The following MFSD6 variants were observed in gnomAD, a reference collection of about 807,000 sequenced individuals.
The protein encoded by MFSD6 is major facilitator superfamily domain containing 6, also known as major facilitator superfamily domain-containing protein 6.
MFSD6 carries 26 observed loss-of-function variants against 56.3 expected under a neutral mutation model. The observed-to-expected ratio is 0.46, with a 90% confidence interval of 0.34 to 0.64. The LOEUF (loss-of-function observed/expected upper bound fraction) is 0.64, where lower values mean the gene tolerates loss of function less well. Among genes scored for constraint, MFSD6 ranks in the 30% least tolerant of loss-of-function variants. The probability of loss-of-function intolerance (pLI) is 0.01; values close to 1 mark genes in which losing one functional copy is unlikely to be tolerated. For missense variants in MFSD6, 750 were observed against 986.2 expected, an observed-to-expected ratio of 0.76 and a Z score of 3.21; for synonymous variants, 331 against 366.9, an observed-to-expected ratio of 0.90 and a Z score of 1.12.
intron 2 of MFSD6, among the ~76,000 whole-genome samples, chr2:190,432,078 C>T (rs1362827302): frequency 1.3e-5 from 2 of 152,060 alleles, no homozygotes; most frequent in African/African-American, 4.8e-5. Context: ...TCTTATAATC[C>T]TTGGTAATTA....
At position 190,450,032 on chromosome 2, in the gene MFSD6, A is replaced by T. The variant is rs538376448; in HGVS notation, c.1532+12471A>T. Among the ~76,000 whole-genome samples, 54 of 151,896 alleles carry T rather than the reference A, an allele frequency of 3.6e-4. No individual in the cohort carries two copies. The East Asian group carries it at 5.4e-3, about 15-fold the overall frequency. On this transcript the variant is annotated intron_variant, in intron 3 of 7. Coordinates refer to ENST00000392328, the MANE Select transcript of MFSD6 (RefSeq NM_017694.4). ...AGTATAATAATAATAAAATAAAATTAAAAAAAAGAAAAAGAAATCAAGATA... is the reference window on the plus strand; with the variant it reads ...AGTATAATAATAATAAAATAAAATTTAAAAAAAGAAAAAGAAATCAAGATA...
At position 190,437,573 on chromosome 2, in the gene MFSD6, C is replaced by T. The variant is rs764632947; in HGVS notation, c.1532+12C>T. 1 of 1,602,088 alleles carries T rather than the reference C, an allele frequency of 6.2e-7. No individual in the cohort carries two copies. Among genetic ancestry groups the T allele is most frequent in the Non-Finnish European group, 8.5e-7 (1 of 1,171,942 alleles). ...ATCGGCCACATCAGGTAAGAACATG[C>T]TTACGATTGCTGCCCCTCAGCAATT... is the stretch of plus-strand genomic sequence containing the variant. On this transcript the variant is annotated intron_variant, in intron 3 of 7. Transcript: ENST00000392328. The surrounding 1 kb of genome is among the most constrained non-coding windows in gnomAD (Gnocchi z 5.9).
intron 3 of MFSD6, among the ~76,000 whole-genome samples, chr2:190,448,633 T>C (rs935146937): frequency 4.6e-5 from 7 of 152,242 alleles, no homozygotes; most frequent in African/African-American, 9.6e-5. Context: ...CATATTTTTA[T>C]GGATTTACAT....
chr2:190,412,154 A>T lies in MFSD6; in HGVS notation c.-175-3138A>T, dbSNP rs1309067211. On this transcript the variant is annotated intron_variant, in intron 1 of 7. Coordinates refer to ENST00000392328, the MANE Select transcript of MFSD6 (RefSeq NM_017694.4). This position sits in a 1 kb window ranked among gnomAD's most constrained non-coding sequence, Gnocchi z 4.1. ...CCAATTCTATGTAAAATTAACTAAAACCACTGCTTAGAATCCTTAAAAATT... is the reference window on the plus strand; with the variant it reads ...CCAATTCTATGTAAAATTAACTAAATCCACTGCTTAGAATCCTTAAAAATT... 2 of 983,776 alleles carry T rather than the reference A, an allele frequency of 2.0e-6. No individual in the cohort carries two copies. The highest frequency in any genetic ancestry group is 2.4e-6 in the Non-Finnish European group (2 of 828,546). 60.9% of individuals were successfully genotyped at this position (983,776 alleles called of 1,614,324 possible). A position where few individuals can be genotyped will look rare whatever the true frequency, so the allele number is the denominator to read the frequency against.
chr2:190,476,901 G>C (rs918412290), intron 4 of MFSD6, among the ~76,000 whole-genome samples: 19 of 152,190 alleles, frequency 1.2e-4, no homozygotes, highest in African/African-American at 4.3e-4. Context: ...CATGTCCTTT[G>C]TAGGGACATG....
At chr2:190,452,008 C>T (rs1686788173) in intron 3 of MFSD6, among the ~76,000 whole-genome samples, 4 of 151,890 alleles carry the variant, frequency 2.6e-5, no homozygotes, top group Admixed American at 2.6e-4. Flanking sequence ...TTTTTTGAGT[C>T]ATCAGCTGAT....
At chr2:190,466,199 G>C (rs1192168865) in intron 3 of MFSD6, among the ~76,000 whole-genome samples, 1 of 152,098 alleles carries the variant, frequency 6.6e-6, no homozygotes, top group African/African-American at 2.4e-5. Flanking sequence ...CCTCTTCTAA[G>C]GCTATATTTC....
In MFSD6 at chr2:190,447,330, G is replaced by T. The variant is rs1347058367; in HGVS notation, c.1532+9769G>T. Among the ~76,000 whole-genome samples, 1 of 152,186 alleles carries T rather than the reference G, an allele frequency of 6.6e-6. No individual in the cohort carries two copies. Among genetic ancestry groups the T allele is most frequent in the Non-Finnish European group, 1.5e-5 (1 of 68,026 alleles). ...CATGAGTGATTGAGCGAAACTGTGA[G>T]GTTAGGTCAGTGTGAGTCCATCACC... On this transcript the variant is annotated intron_variant, in intron 3 of 7. Transcript: ENST00000392328. This position sits in a 1 kb window ranked among gnomAD's most constrained non-coding sequence, Gnocchi z 4.5.
intron 3 of MFSD6, among the ~76,000 whole-genome samples, chr2:190,441,428 C>A (rs1242610164): frequency 6.7e-6 from 1 of 150,246 alleles, no homozygotes; most frequent in East Asian, 2.0e-4. Flanking sequence ...GGTTGAGAAC[C>A]ACCAGGCTAA....
chr2:190,487,157 G>A lies in MFSD6; in HGVS notation c.1631-1500G>A, dbSNP rs1054320303. Among the ~76,000 whole-genome samples, 6 of 151,924 alleles carry A rather than the reference G, an allele frequency of 3.9e-5. No homozygotes were observed. The highest frequency in any genetic ancestry group is 9.7e-5 in the African/African-American group (4 of 41,356). ...AGAGATCAAGACCATCCTGGCCAAC[G>A]TGGTGAAACCCTGTCTCTACTAAAA... On this transcript the variant is annotated intron_variant, in intron 4 of 7. Transcript: ENST00000392328. The surrounding 1 kb of genome is among the most constrained non-coding windows in gnomAD (Gnocchi z 5.5).
chr2:190,452,031 A>G (rs537086194), intron 3 of MFSD6, among the ~76,000 whole-genome samples: 9 of 151,152 alleles, frequency 6.0e-5, no homozygotes, highest in East Asian at 1.9e-4. Context: ...TTCATGTACT[A>G]TCTTTGCTGA....
In MFSD6 at chr2:190,496,859, A is replaced by G. The variant is rs1689724100; in HGVS notation, c.1892-580A>G. 6.6e-6 allele frequency among the ~76,000 whole-genome samples: 1 copy of G among 152,200 alleles called. No individual in the cohort carries two copies. On this transcript the variant is annotated intron_variant, in intron 6 of 7. Coordinates refer to ENST00000392328, the MANE Select transcript of MFSD6 (RefSeq NM_017694.4). This position sits in a 1 kb window ranked among gnomAD's most constrained non-coding sequence, Gnocchi z 4.7. ...CTCACTCATAAGTGGGAGCTAGGCT[A>G]TGAGGATGCAAAGGCATAAGAATGA...
At chr2:190,479,916 C>T (rs549050764) in intron 4 of MFSD6, among the ~76,000 whole-genome samples, 55 of 152,262 alleles carry the variant, frequency 3.6e-4, no homozygotes, top group African/African-American at 1.3e-3. Context: ...AAGCGTTATT[C>T]TGTTTGTCTT....
In MFSD6 at chr2:190,437,508, G is replaced by A. The variant is rs1686219619; in HGVS notation, c.1479G>A (p.Glu493=). The A allele has an allele frequency of 1.2e-6, 2 of 1,614,090 alleles. No individual in the cohort carries two copies. The highest frequency in any genetic ancestry group is 1.7e-6 in the Non-Finnish European group (2 of 1,180,038). Residue 493 remains glutamate, a synonymous_variant, in exon 3 of 8, where the codon GAG becomes GAA. Coordinates refer to ENST00000392328, the MANE Select transcript of MFSD6 (RefSeq NM_017694.4). The surrounding 1 kb of genome is among the most constrained non-coding windows in gnomAD (Gnocchi z 5.9). ...GVCSVLSHVS[E]LTAYFFSHKL... is the part of the protein sequence containing the mutation. The stretch of plus-strand genomic sequence containing the variant: ...GTTCAGTCCTGAGTCATGTGTCTGA[G>A]CTGACAGCATATTTTTTTAGTCACA...
Position 190,465,728 on chromosome 2 carries a change from C to CA in MFSD6, c.1533-4029dup, listed in dbSNP as rs201314905. On this transcript the variant is annotated intron_variant, in intron 3 of 7. Coordinates refer to ENST00000392328, the MANE Select transcript of MFSD6 (RefSeq NM_017694.4). This position sits in a 1 kb window ranked among gnomAD's most constrained non-coding sequence, Gnocchi z 4.6. The stretch of plus-strand genomic sequence containing the variant: ...AAGTTTATGGCCGGGCGTGGTGGCT[C>CA]ACGCCTATAATCCCAGCACTTTGGG... Among the ~76,000 whole-genome samples the CA allele has an allele frequency of 1.4e-3, 212 of 152,234 alleles. 3 individuals are homozygous for CA. In the East Asian group the frequency reaches 0.038, roughly 27 times the overall value.
At chr2:190,476,555 C>A (rs981181344) in intron 4 of MFSD6, among the ~76,000 whole-genome samples, 1 of 152,190 alleles carries the variant, frequency 6.6e-6, no homozygotes, top group African/African-American at 2.4e-5. Flanking sequence ...CAGGGAACAA[C>A]AGGTGCTGGA....
intron 4 of MFSD6, among the ~76,000 whole-genome samples, chr2:190,483,384 C>G (rs191035107): frequency 4.8e-4 from 73 of 152,328 alleles, no homozygotes; most frequent in Non-Finnish European, 7.9e-4. Context: ...ACTCTCTTCT[C>G]TGTGTGACTC....
At chr2:190,484,497 T>G (rs1688897848) in intron 4 of MFSD6, among the ~76,000 whole-genome samples, 1 of 152,200 alleles carries the variant, frequency 6.6e-6, no homozygotes, top group Non-Finnish European at 1.5e-5. Context: ...TCCTAAGACT[T>G]CCTAAATCTT....
At chr2:190,427,487 G>T (rs1685816995) in intron 2 of MFSD6, among the ~76,000 whole-genome samples, 1 of 152,214 alleles carries the variant, frequency 6.6e-6, no homozygotes, top group Admixed American at 6.5e-5. Flanking sequence ...GCAGGCACTT[G>T]TTAGGGCTTT....
Sources: allele counts gnomAD v4.1 joint callset (sites outside exome capture counted in the v4.1 genomes callset), GRCh38; gene constraint gnomAD v4.1.1; non-coding constraint Gnocchi (gnomAD v3.1); transcripts MANE v1.5; gene names NCBI Gene and HGNC (gene_info 2026-07-23, HGNC 2026-07-21).